Variants in EYA3 observed in about 807,000 individuals in gnomAD.
EYA3 encodes the protein EYA transcriptional coactivator and phosphatase 3.
A neutral mutation model predicts 80.0 loss-of-function variants in EYA3; 39 were observed. The ratio of observed to expected loss-of-function variants is 0.49; its 90% CI spans 0.38 to 0.64. The LOEUF (loss-of-function observed/expected upper bound fraction) is 0.64, where lower values mean the gene tolerates loss of function less well. EYA3 is among the 30% of genes least tolerant of loss of function. The pLI, the probability that EYA3 is intolerant of heterozygous loss-of-function variation, is 0.00. For synonymous variants in EYA3, 206 were observed against 232.8 expected (o/e 0.88, Z 1.05); for missense variants, 523 against 676.1 (o/e 0.77, Z 2.51).
intron 2 of EYA3, among the ~76,000 whole-genome samples, chr1:28,053,494 A>G (rs1360010754): frequency 6.6e-6 from 1 of 152,222 alleles, no homozygotes; most frequent in Non-Finnish European, 1.5e-5. Context: ...ATACAAATTC[A>G]GAATATCCAG....
intron 7 of EYA3, among the ~76,000 whole-genome samples, chr1:28,026,637 A>G (rs1376176666): frequency 1.3e-5 from 2 of 152,094 alleles, no homozygotes; most frequent in African/African-American, 4.8e-5. Flanking sequence ...AAAAAACCAT[A>G]GAGAAATACT....
chr1:28,010,069 G>C (rs1428980340), intron 10 of EYA3, among the ~76,000 whole-genome samples: 38 of 152,034 alleles, frequency 2.5e-4, no homozygotes, highest in Admixed American at 2.3e-3. Flanking sequence ...AAGAGAAAAG[G>C]CTTCAAATAC....
intron 7 of EYA3, among the ~76,000 whole-genome samples, chr1:28,026,787 T>C (rs752032649): frequency 6.9e-6 from 1 of 145,870 alleles, no homozygotes; most frequent in Non-Finnish European, 1.5e-5. Flanking sequence ...AGGAAACAAG[T>C]GAAGAAAAGA....
intron 7 of EYA3, among the ~76,000 whole-genome samples, chr1:28,021,644 C>A (rs1332935597): frequency 6.6e-6 from 1 of 151,830 alleles, no homozygotes; most frequent in Non-Finnish European, 1.5e-5. Flanking sequence ...CACTCTGTCA[C>A]CCCGGCTGGA....
intron 16 of EYA3, among the ~76,000 whole-genome samples, chr1:27,982,578 A>G (rs1024298569): frequency 2.0e-5 from 3 of 151,258 alleles, no homozygotes; most frequent in South Asian, 2.1e-4. Context: ...TCTGTCTGCA[A>G]TGTTTTTTGT....
At chr1:28,080,985 C>T (rs184371201) in intron 1 of EYA3, among the ~76,000 whole-genome samples, 121 of 151,966 alleles carry the variant, frequency 8.0e-4, no homozygotes, top group African/African-American at 2.9e-3. Flanking sequence ...TGAACTCCTG[C>T]CTCTCAGGTG....
intron 16 of EYA3, 146 bp downstream of exon 16, chr1:27,988,389 T>C: frequency 1.2e-6 from 1 of 858,846 alleles, no homozygotes; most frequent in Non-Finnish European, 1.7e-6. Context: ...CTCAATTGCA[T>C]TACTGAAAAT....
At chr1:27,997,191 A>G in intron 13 of EYA3, 129 bp downstream of exon 13, 1 of 801,482 alleles carries the variant, frequency 1.2e-6, no homozygotes, top group Non-Finnish European at 2.1e-6. Flanking sequence ...GTTTGTTTCT[A>G]TGTCCTCTAA....
At chr1:28,008,177 C>T (rs1379163949) in intron 10 of EYA3, among the ~76,000 whole-genome samples, 1 of 151,824 alleles carries the variant, frequency 6.6e-6, no homozygotes, top group African/African-American at 2.4e-5. Context: ...TAATAGGATG[C>T]CAAAACCATT....
intron 8 of EYA3, among the ~76,000 whole-genome samples, chr1:28,015,460 C>A (rs1008712840): frequency 6.6e-6 from 1 of 152,090 alleles, no homozygotes; most frequent in African/African-American, 2.4e-5. Flanking sequence ...ACCCGGGAGG[C>A]GGAGCTTGCA....
chr1:28,044,439 TAACTGTA>T (rs1643928763), intron 3 of EYA3, among the ~76,000 whole-genome samples: 1 of 152,210 alleles, frequency 6.6e-6, no homozygotes, highest in African/African-American at 2.4e-5. Flanking sequence ...AAGCACACTT[TAACTGTA>T]ACTGTTATTA....
In EYA3 at chr1:28,013,743, T is replaced by C. The variant is rs1369760235; in HGVS notation, c.586-449A>G. Among the ~76,000 whole-genome samples, 2 of 152,184 alleles carry C rather than the reference T, an allele frequency of 1.3e-5. No homozygotes were observed. The highest frequency in any genetic ancestry group is 4.1e-4 in the South Asian group (2 of 4,832). ...CTTAAGCAAACAAAAAAAGCACATA[T>C]CCTACATTAAAATGTCTTAATTTAA... On this transcript the variant is annotated intron_variant, in intron 8 of 17. Coordinates refer to ENST00000373871, the MANE Select transcript of EYA3 (RefSeq NM_001990.4). This position sits in a 1 kb window ranked among gnomAD's most constrained non-coding sequence, Gnocchi z 4.0.
chr1:28,080,084 C>T (rs150346370), intron 1 of EYA3, among the ~76,000 whole-genome samples: 2,371 of 152,196 alleles, frequency 0.016, 55 homozygotes, highest in African/African-American at 0.054. Context: ...AATGTATTCC[C>T]GTAGTAACGG....
At chr1:28,025,168 C>T (rs547931703) in intron 7 of EYA3, among the ~76,000 whole-genome samples, 2 of 152,232 alleles carry the variant, frequency 1.3e-5, no homozygotes, top group Admixed American at 6.5e-5. Context: ...ACCAATAATA[C>T]CCACGTTTCA....
chr1:27,993,127 C>T (rs1205264139), intron 14 of EYA3, among the ~76,000 whole-genome samples: 1 of 151,796 alleles, frequency 6.6e-6, no homozygotes, highest in Non-Finnish European at 1.5e-5. Context: ...TGTCATCAAA[C>T]ATAATCTACA....
intron 1 of EYA3, among the ~76,000 whole-genome samples, chr1:28,081,718 C>T (rs1053501979): frequency 6.6e-6 from 1 of 152,128 alleles, no homozygotes; most frequent in Non-Finnish European, 1.5e-5. Flanking sequence ...TGACCTAAAT[C>T]GTTTTCAGTC....
rs1553159800 is a variant in EYA3, at chr1:28,084,556, AATATATATATATATAT to A, written c.-69+3952_-69+3967del. 9.6e-3 allele frequency among the ~76,000 whole-genome samples: 315 copies of A among 32,718 alleles called. 7 individuals carry two copies. The highest frequency in any genetic ancestry group is 0.091 in the Middle Eastern group (4 of 44). 21.5% of individuals were successfully genotyped at this position (32,718 alleles called of 152,430 possible). On this transcript the variant is annotated intron_variant, in intron 1 of 17. Coordinates refer to ENST00000373871, the MANE Select transcript of EYA3 (RefSeq NM_001990.4). ...ATCTGGGAAGCATTGACTATTCCAA[AATATATATATATATAT>A]ATATATATATATATATATATATATT...
intron 1 of EYA3, among the ~76,000 whole-genome samples, chr1:28,086,117 C>A (rs1204976744): frequency 1.3e-5 from 2 of 152,014 alleles, no homozygotes; most frequent in African/African-American, 4.8e-5. Flanking sequence ...TGCTTTCCAG[C>A]CTACAGCTTT....
intron 1 of EYA3, among the ~76,000 whole-genome samples, chr1:28,081,020 G>A (rs1048706613): frequency 1.3e-5 from 2 of 152,032 alleles, no homozygotes; most frequent in African/African-American, 4.8e-5. Flanking sequence ...GCCTCCCAAA[G>A]TGCTGGGATT....
Sources: allele counts gnomAD v4.1 joint callset (sites outside exome capture counted in the v4.1 genomes callset), GRCh38; gene constraint gnomAD v4.1.1; non-coding constraint Gnocchi (gnomAD v3.1); transcripts MANE v1.5; gene names NCBI Gene and HGNC (gene_info 2026-07-23, HGNC 2026-07-21).